Variants in MZT2B observed in about 807,000 individuals in gnomAD.
MZT2B encodes the protein mitotic-spindle organizing protein 2B.
In MZT2B, 11 loss-of-function variants were observed where a neutral mutation model predicts 12.1. The ratio of observed to expected loss-of-function variants is 0.91; its 90% CI spans 0.57 to 1.50. MZT2B has a LOEUF of 1.50. MZT2B is among the 40% of genes most tolerant of loss of function. The probability of loss-of-function intolerance (pLI) is 0.00; values close to 1 mark genes in which losing one functional copy is unlikely to be tolerated. For missense variants in MZT2B, 209 were observed against 227.7 expected (o/e 0.92, Z 0.53); for synonymous variants, 85 against 109.5 (o/e 0.78, Z 1.40).
intron 2 of MZT2B, among the ~76,000 whole-genome samples, chr2:130,189,258 A>G (rs1690173423): frequency 6.6e-6 from 1 of 152,076 alleles, no homozygotes; most frequent in South Asian, 2.1e-4. Context: ...AGTTTCTATG[A>G]GGGTGCAAGG....
chr2:130,182,156 C>T, upstream of MZT2B: 1 of 1,262,144 alleles, frequency 7.9e-7, no homozygotes, highest in Non-Finnish European at 1.0e-6. Flanking sequence ...GGCCCCGTCC[C>T]CGCGCTCCCG....
At chr2:130,203,106 C>T in the MZT2B span, among the ~76,000 whole-genome samples, 4 of 139,232 alleles carry the variant, frequency 2.9e-5, no homozygotes, top group African/African-American at 8.0e-5. Flanking sequence ...TGCAGTCATG[C>T]GATCTCAGCT....
intron 2 of MZT2B, chr2:130,183,321 C>T: frequency 3.5e-6 from 1 of 288,250 alleles, no homozygotes; most frequent in East Asian, 9.2e-5. Context: ...AGTTCCTGCG[C>T]AGGGGCTTGG....
At chr2:130,182,250 G>A (rs1689724268), upstream of MZT2B, 14 of 1,243,714 alleles carry the variant, frequency 1.1e-5, no homozygotes, top group Non-Finnish European at 1.4e-5. Flanking sequence ...GGGGCGCGGC[G>A]GGGCGGAGCG....
At chr2:130,184,050 C>A (rs1323870474) in intron 2 of MZT2B, 36 of 1,550,128 alleles carry the variant, frequency 2.3e-5, no homozygotes, top group Non-Finnish European at 3.1e-5. Context: ...GCCCAAGCAG[C>A]TTTGAGCTCC....
downstream of MZT2B, chr2:130,194,070 T>A (rs1426588793): frequency 6.2e-7 from 1 of 1,613,958 alleles, no homozygotes; most frequent in Non-Finnish European, 8.5e-7. Flanking sequence ...GGCACGAGGT[T>A]GGTCTGGAAT....
chr2:130,191,225 A>G (rs1690249964), downstream of MZT2B, among the ~76,000 whole-genome samples: 1 of 152,302 alleles, frequency 6.6e-6, no homozygotes, highest in Non-Finnish European at 1.5e-5. Flanking sequence ...GTGCTGAGGG[A>G]CAGGGTGGCT....
chr2:130,186,336 A>G (rs1449370596), intron 2 of MZT2B, among the ~76,000 whole-genome samples: 1 of 152,076 alleles, frequency 6.6e-6, no homozygotes, highest in Non-Finnish European at 1.5e-5. Flanking sequence ...CACCAGATTC[A>G]CTCATACCCA....
Position 130,184,031 on chromosome 2 carries a change from C to T in MZT2B, c.319+1256C>T, listed in dbSNP as rs1444998927. The T allele has an allele frequency of 1.9e-6, 3 of 1,550,332 alleles. No individual in the cohort carries two copies. The Admixed American group carries it at 5.9e-5, about 30-fold the overall frequency. On this transcript the variant is annotated intron_variant, in intron 2 of 2. Transcript: ENST00000281871. Reference sequence around the variant, plus strand: ...CCTTGTTTCCATGGAAACTGCCTGGCCCCAGGAGGCCCAAGCAGCTTTGAG... The same window carrying T: ...CCTTGTTTCCATGGAAACTGCCTGGTCCCAGGAGGCCCAAGCAGCTTTGAG...
At chr2:130,193,775 C>G, downstream of MZT2B, 1 of 1,592,554 alleles carries the variant, frequency 6.3e-7, no homozygotes, top group African/African-American at 1.3e-5. Context: ...CTCCATGTCA[C>G]CCAGTCATAC....
chr2:130,194,972 C>T (rs1374309650), downstream of MZT2B: 8 of 1,551,418 alleles, frequency 5.2e-6, no homozygotes, highest in African/African-American at 1.4e-5. Flanking sequence ...GCCACCGCGC[C>T]CGGCCAAGAT....
chr2:130,189,187 C>T (rs1433969183), intron 2 of MZT2B, among the ~76,000 whole-genome samples: 1 of 152,080 alleles, frequency 6.6e-6, no homozygotes, highest in Non-Finnish European at 1.5e-5. Flanking sequence ...TGTACCCTCA[C>T]GAGGGACAGC....
intron 2 of MZT2B, among the ~76,000 whole-genome samples, chr2:130,187,281 C>T (rs1690102649): frequency 6.6e-6 from 1 of 152,142 alleles, no homozygotes. Flanking sequence ...GCTTCAACCT[C>T]GTGGGCTCAG....
At chr2:130,183,666 G>T in intron 2 of MZT2B, 1 of 1,506,588 alleles carries the variant, frequency 6.6e-7, no homozygotes, top group Non-Finnish European at 9.0e-7. Context: ...CCTTCATGGG[G>T]GGAGTGCCAG....
At chr2:130,201,120 C>G in the MZT2B span, among the ~76,000 whole-genome samples, 2 of 152,218 alleles carry the variant, frequency 1.3e-5, no homozygotes, top group Non-Finnish European at 2.9e-5. Flanking sequence ...GGAGTTGAGA[C>G]TTTTCTGTGG....
chr2:130,199,967 G>A, the MZT2B span, among the ~76,000 whole-genome samples: 1 of 152,022 alleles, frequency 6.6e-6, no homozygotes, highest in Admixed American at 6.6e-5. Flanking sequence ...ATGGTGGTGA[G>A]CACCTATAGT....
At chr2:130,201,861 G>A in the MZT2B span, among the ~76,000 whole-genome samples, 3 of 152,278 alleles carry the variant, frequency 2.0e-5, no homozygotes, top group South Asian at 6.2e-4. Flanking sequence ...GACCTGTACA[G>A]CAAGGATTTA....
rs1207864531 is a variant in MZT2B at position 130,184,527 on chromosome 2, G to T, written c.319+1752G>T. 3 of 985,254 alleles carry T rather than the reference G, an allele frequency of 3.0e-6. No individual in the cohort carries two copies. In the African/African-American group the frequency reaches 5.2e-5, roughly 17 times the overall value. 61.0% of individuals were successfully genotyped at this position (985,254 alleles called of 1,614,324 possible). A position where few individuals can be genotyped will look rare whatever the true frequency, so the allele number is the denominator to read the frequency against. ...GGTGTGATCAGGGGCTCAGAGCCAG[G>T]GTCCTGTGAGAGCCCAGGGGTCTTT... On this transcript the variant is annotated intron_variant, in intron 2 of 2. Coordinates refer to ENST00000281871, the MANE Select transcript of MZT2B (RefSeq NM_025029.5).
chr2:130,181,734 T>C, upstream of MZT2B: 2 of 1,548,454 alleles, frequency 1.3e-6, no homozygotes, highest in Non-Finnish European at 1.7e-6. Flanking sequence ...GAGGCAGGAG[T>C]GCGGGGGAGG....
Sources: gnomAD v4.1 joint callset for allele counts (sites outside exome capture counted in the v4.1 genomes callset) on GRCh38, gnomAD v4.1.1 for gene constraint, MANE v1.5 for transcripts, NCBI Gene and HGNC (gene_info 2026-07-23, HGNC 2026-07-21) for gene names.